Variants in NCBP2 observed in about 807,000 individuals in gnomAD.
NCBP2 encodes nuclear cap-binding protein subunit 2.
A neutral mutation model predicts 21.5 loss-of-function variants in NCBP2; 8 were observed. The ratio of observed to expected loss-of-function variants is 0.37; its 90% CI spans 0.22 to 0.67. The LOEUF is 0.67. Among genes scored for constraint, NCBP2 ranks in the 30% least tolerant of loss-of-function variants. The pLI is 0.56. For missense variants in NCBP2, 127 were observed against 206.9 expected (o/e 0.61, Z 2.37); for synonymous variants, 92 against 75.8 (o/e 1.21, Z -1.11).
At chr3:196,937,720 T>C in intron 2 of NCBP2, 72 bp from the exon 3 acceptor site, 4 of 1,573,220 alleles carry the variant, frequency 2.5e-6, no homozygotes, top group Non-Finnish European at 3.5e-6. Context: ...TAAATGAAGC[T>C]GAGTTGTTAA....
intron 3 of NCBP2, 145 bp downstream of exon 3, chr3:196,937,365 C>A: frequency 8.0e-7 from 1 of 1,250,914 alleles, no homozygotes; most frequent in Non-Finnish European, 1.1e-6. Flanking sequence ...TTCACCCAAA[C>A]CGTTGGGTGG....
intron 3 of NCBP2, 90 bp from the exon 4 acceptor site, chr3:196,937,172 C>T (rs1177782931): frequency 8.2e-7 from 1 of 1,215,532 alleles, no homozygotes; most frequent in East Asian, 2.3e-5. Flanking sequence ...ACAGTGAAAC[C>T]TGTTCAGATG....
At chr3:196,940,480 TA>T (rs1716488951) in intron 1 of NCBP2, among the ~76,000 whole-genome samples, 1 of 152,240 alleles carries the variant, frequency 6.6e-6, no homozygotes, top group Non-Finnish European at 1.5e-5. Flanking sequence ...TTACTGCTGT[TA>T]CTGATTTGTG....
At chr3:196,939,590 CCTT>C (rs1235922388) in intron 1 of NCBP2, among the ~76,000 whole-genome samples, 158 bp from the exon 2 acceptor site, 1 of 152,192 alleles carries the variant, frequency 6.6e-6, no homozygotes, top group African/African-American at 2.4e-5. Context: ...GGGATGTCGA[CCTT>C]CTGTGAAGCA....
Position 196,936,942 on chromosome 3 carries a change from T to A in NCBP2, c.*69A>T. On this transcript the variant is annotated 3_prime_UTR_variant, in exon 4 of 4. Transcript: ENST00000321256. ...GGTAAAAATGGGCTCGTGTGCAGAC[T>A]TTAGGTGATGTTCTTCAGCAAATTC... 1.4e-6 allele frequency: 2 copies of A among 1,439,550 alleles called. No individual in the cohort carries two copies. Among genetic ancestry groups the A allele is most frequent in the Non-Finnish European group, 2.0e-6 (2 of 1,020,786 alleles). 89.2% of individuals were successfully genotyped at this position (1,439,550 alleles called of 1,614,324 possible).
Position 196,940,729 on chromosome 3 carries a change from T to C in NCBP2, c.79-1297A>G, listed in dbSNP as rs556846549. Among the ~76,000 whole-genome samples the C allele has an allele frequency of 3.3e-5, 5 of 152,350 alleles. No homozygotes were observed. In the South Asian group the frequency reaches 1.0e-3, roughly 32 times the overall value. ...CAAAGTCAGAAGGTTCCAGTTTTCATCTCACAGGATGCTTTAAGTTCAAAA... is the reference window on the plus strand; with the variant it reads ...CAAAGTCAGAAGGTTCCAGTTTTCACCTCACAGGATGCTTTAAGTTCAAAA... On this transcript the variant is annotated intron_variant, in intron 1 of 3. Transcript: ENST00000321256.
At chr3:196,937,281 C>A (rs1716308954) in intron 3 of NCBP2, 199 bp from the exon 4 acceptor site, 2 of 762,804 alleles carry the variant, frequency 2.6e-6, no homozygotes, top group East Asian at 2.7e-5. Flanking sequence ...AGATACCTAG[C>A]CCTAGCAGAA....
intron 2 of NCBP2, chr3:196,938,954 T>G: frequency 4.8e-5 from 12 of 249,690 alleles, no homozygotes; most frequent in East Asian, 8.2e-5. Flanking sequence ...GCAAAGGGCA[T>G]TAGGGGTTTA....
chr3:196,939,584 T>C (rs1477891263), intron 1 of NCBP2, 152 bp from the exon 2 acceptor site: 1 of 669,536 alleles, frequency 1.5e-6, no homozygotes, highest in Non-Finnish European at 2.5e-6. Flanking sequence ...AAAAGGGGGA[T>C]GTCGACCTTC....
Position 196,939,231 on chromosome 3 carries a change from T to A in NCBP2, c.260+20A>T. On this transcript the variant is annotated intron_variant, in intron 2 of 3. Coordinates refer to ENST00000321256, the MANE Select transcript of NCBP2 (RefSeq NM_007362.5). ...CTCTACCCTGGTTCAGCAGCTACAT[T>A]AGATCCATGGGAAGGATACTCCACA... 6.2e-7 allele frequency: 1 copy of A among 1,604,760 alleles called. No homozygotes were observed. The highest frequency in any genetic ancestry group is 8.5e-7 in the Non-Finnish European group (1 of 1,171,568).
chr3:196,942,345 G>A, intron 1 of NCBP2, 81 bp downstream of exon 1: 3 of 1,553,578 alleles, frequency 1.9e-6, no homozygotes, highest in Middle Eastern at 1.7e-4. Context: ...TGAATGGGAG[G>A]CGACACAATG....
At chr3:196,942,341 G>A in intron 1 of NCBP2, 85 bp downstream of exon 1, 1 of 1,551,104 alleles carries the variant, frequency 6.4e-7, no homozygotes, top group Non-Finnish European at 8.7e-7. Context: ...CAGCTGAATG[G>A]GAGGCGACAC....
At chr3:196,939,112 T>C in intron 2 of NCBP2, 139 bp downstream of exon 2, 1 of 674,240 alleles carries the variant, frequency 1.5e-6, no homozygotes, top group East Asian at 2.6e-5. Context: ...AGCTTTACAG[T>C]ATAAGGGCAG....
intron 1 of NCBP2, among the ~76,000 whole-genome samples, chr3:196,940,448 G>A (rs191690036): frequency 8.5e-5 from 13 of 152,142 alleles, no homozygotes; most frequent in African/African-American, 2.9e-4. Context: ...TGAGACATTA[G>A]AGAAAGTAAA....
chr3:196,942,276 C>G, intron 1 of NCBP2, 150 bp downstream of exon 1: 1 of 1,502,438 alleles, frequency 6.7e-7, no homozygotes, highest in Non-Finnish European at 8.9e-7. Flanking sequence ...CCTTCCAGCA[C>G]CCATTCCCTG....
rs970867167 is a variant in NCBP2 at position 196,936,569 on chromosome 3, C to G, written c.*442G>C. 1 of 168,046 alleles carries G rather than the reference C, an allele frequency of 6.0e-6. No homozygotes were observed. Among genetic ancestry groups the G allele is most frequent in the Non-Finnish European group, 1.3e-5 (1 of 77,378 alleles). 10.4% of individuals were successfully genotyped at this position (168,046 alleles called of 1,614,324 possible). A position where few individuals can be genotyped will look rare whatever the true frequency, so the allele number is the denominator to read the frequency against. ...GGGATTACACGTGTGAGCCACCATG[C>G]CTGGCCCCACCTCCATTTATTAGGC... On this transcript the variant is annotated 3_prime_UTR_variant, in exon 4 of 4. Transcript: ENST00000321256.
chr3:196,938,951 G>A lies in NCBP2; in HGVS notation c.260+300C>T, dbSNP rs115253395. The A allele has an allele frequency of 1.6e-5, 4 of 250,906 alleles. No individual in the cohort carries two copies. The East Asian group carries it at 3.3e-4, about 21-fold the overall frequency. 15.5% of individuals were successfully genotyped at this position (250,906 alleles called of 1,614,324 possible). A position where few individuals can be genotyped will look rare whatever the true frequency, so the allele number is the denominator to read the frequency against. On this transcript the variant is annotated intron_variant, in intron 2 of 3. Coordinates refer to ENST00000321256, the MANE Select transcript of NCBP2 (RefSeq NM_007362.5). ...GGTAACTGACTGCCTCTGGCAAAGG[G>A]CATTAGGGGTTTAGAACAGTACGAG...
At chr3:196,940,458 ATTCCT>A (rs1266389258) in intron 1 of NCBP2, among the ~76,000 whole-genome samples, 1 of 152,286 alleles carries the variant, frequency 6.6e-6, no homozygotes, top group Admixed American at 6.5e-5. Context: ...GAGAAAGTAA[ATTCCT>A]TTCATTTTAC....
chr3:196,941,755 T>A, intron 1 of NCBP2: 2 of 614,302 alleles, frequency 3.3e-6, no homozygotes, highest in Admixed American at 3.3e-5. Context: ...CTGCCTCCCC[T>A]TTTTCCACAA....
Sources: allele counts gnomAD v4.1 joint callset (sites outside exome capture counted in the v4.1 genomes callset), GRCh38; gene constraint gnomAD v4.1.1; transcripts MANE v1.5; gene names NCBI Gene and HGNC (gene_info 2026-07-23, HGNC 2026-07-21).